Variants in PIK3C2G observed in about 807,000 individuals in gnomAD.
PIK3C2G encodes phosphatidylinositol 3-kinase C2 domain-containing subunit gamma.
PIK3C2G carries 168 observed loss-of-function variants against 181.1 expected under a neutral mutation model. The observed-to-expected ratio is 0.93, with a 90% CI of 0.82 to 1.05. The LOEUF (loss-of-function observed/expected upper bound fraction) is 1.05, where lower values mean the gene tolerates loss of function less well. Among genes scored for constraint, PIK3C2G ranks in the 50% least tolerant of loss-of-function variants. PIK3C2G has a pLI of 0.00. For synonymous variants in PIK3C2G, 573 were observed against 592.2 expected, an observed-to-expected ratio of 0.97 and a Z score of 0.47; for missense variants, 1,869 against 1,732.8, an observed-to-expected ratio of 1.08 and a Z score of -1.40.
At chr12:18,685,277 C>T in the PIK3C2G span, among the ~76,000 whole-genome samples, 1 of 151,946 alleles carries the variant, frequency 6.6e-6, no homozygotes, top group Admixed American at 6.6e-5. Context: ...CCAATTTCTG[C>T]CAAGCAAGAA....
At chr12:18,257,400 C>G (rs1334700758), upstream of PIK3C2G, among the ~76,000 whole-genome samples, 2 of 152,120 alleles carry the variant, frequency 1.3e-5, no homozygotes, top group Non-Finnish European at 2.9e-5. Flanking sequence ...GTTGTGGGCT[C>G]TAGGCTGGAA....
At chr12:18,614,348 A>G (rs538047730) in intron 31 of PIK3C2G, among the ~76,000 whole-genome samples, 6 of 152,082 alleles carry the variant, frequency 3.9e-5, no homozygotes, top group South Asian at 2.1e-4. Flanking sequence ...AAGATGACCT[A>G]TTATTTTTTA....
the PIK3C2G span, chr12:18,688,345 G>T: frequency 1.1e-6 from 1 of 932,426 alleles, no homozygotes; most frequent in Non-Finnish European, 1.6e-6. Flanking sequence ...AACATTGAAA[G>T]TGGAATACAA....
chr12:18,685,108 G>C, the PIK3C2G span, among the ~76,000 whole-genome samples: 1 of 152,052 alleles, frequency 6.6e-6, no homozygotes, highest in African/African-American at 2.4e-5. Flanking sequence ...GACTAATACA[G>C]TCAGTCTTAT....
At chr12:18,487,096 T>TTTTGTGTGTGTGTGTG (rs71440368) in intron 18 of PIK3C2G, among the ~76,000 whole-genome samples, 22 of 142,106 alleles carry the variant, frequency 1.5e-4, no homozygotes, top group African/African-American at 5.5e-4. Flanking sequence ...TTGAGGTATT[T>TTTTGTGTGTGTGTGTG]TGTGTGTGTG....
chr12:18,394,125 T>C (rs549207949), intron 15 of PIK3C2G, among the ~76,000 whole-genome samples: 186 of 152,188 alleles, frequency 1.2e-3, no homozygotes, highest in African/African-American at 4.3e-3. Context: ...CCAATAAGAA[T>C]GGAGAAAGCT....
At position 18,323,179 on chromosome 12, in the gene PIK3C2G, T is replaced by C. The variant is rs559833845; in HGVS notation, c.1209-1856T>C. On this transcript the variant is annotated intron_variant, in intron 7 of 32. Transcript: ENST00000538779. Reference sequence around the variant, plus strand: ...CCTAGCAGATATTTGATGGCCAGTGTGCAGTTGCAGGGGTCCAGAGGGTTA... The same window carrying C: ...CCTAGCAGATATTTGATGGCCAGTGCGCAGTTGCAGGGGTCCAGAGGGTTA... 1.5e-3 allele frequency among the ~76,000 whole-genome samples: 234 copies of C among 152,280 alleles called. 1 individual carries two copies. The highest frequency in any genetic ancestry group is 2.4e-3 in the Non-Finnish European group (163 of 68,018).
intron 19 of PIK3C2G, 73 bp from the exon 20 acceptor site, chr12:18,491,378 G>C: frequency 3.7e-6 from 3 of 805,476 alleles, no homozygotes; most frequent in Non-Finnish European, 6.1e-6. Context: ...ATCAATAGAA[G>C]AAAATTATAA....
At chr12:18,705,509 T>G in the PIK3C2G span, among the ~76,000 whole-genome samples, 2 of 152,190 alleles carry the variant, frequency 1.3e-5, no homozygotes, top group African/African-American at 2.4e-5. Flanking sequence ...AAAAGAAATG[T>G]ATTACTATTT....
chr12:18,338,544 G>A lies in PIK3C2G; in HGVS notation c.1391G>A (p.Gly464Glu). The change falls in exon 9 of 33, where the codon GGA becomes GAA. Residue 464 changes from glycine to glutamate, a missense_variant. Transcript: ENST00000538779. ...CTAAGTCTAATTCTTCAGAGAAAAG[G>A]AGAGGTAAGTACATTCATTTATTAC... ...NELSLILQRK[G>E]ENFYQSSETS... The A allele has an allele frequency of 6.3e-7, 1 of 1,588,040 alleles. No homozygotes were observed. Among genetic ancestry groups the A allele is most frequent in the South Asian group, 1.1e-5 (1 of 89,550 alleles).
At chr12:18,264,953 T>A (rs1948418480) in intron 1 of PIK3C2G, among the ~76,000 whole-genome samples, 1 of 152,214 alleles carries the variant, frequency 6.6e-6, no homozygotes, top group Non-Finnish European at 1.5e-5. Flanking sequence ...ATTTGCTCAC[T>A]CAGCAAGCCT....
At chr12:18,475,257 T>C (rs1938861205) in intron 18 of PIK3C2G, among the ~76,000 whole-genome samples, 1 of 151,746 alleles carries the variant, frequency 6.6e-6, no homozygotes, top group South Asian at 2.1e-4. Flanking sequence ...TGCACCAACA[T>C]TGTTAGTAGC....
At chr12:18,297,343 C>T (rs530661536) in intron 5 of PIK3C2G, among the ~76,000 whole-genome samples, 4 of 151,868 alleles carry the variant, frequency 2.6e-5, no homozygotes, top group Admixed American at 6.6e-5. Context: ...TCAATCCTAA[C>T]CAAAAAACCA....
intron 5 of PIK3C2G, among the ~76,000 whole-genome samples, chr12:18,298,991 C>A (rs1042882962): frequency 6.6e-6 from 1 of 151,914 alleles, no homozygotes; most frequent in African/African-American, 2.4e-5. Flanking sequence ...GTGATGCCTG[C>A]AGCTCTGTTC....
At chr12:18,326,670 A>G (rs143827267) in intron 8 of PIK3C2G, among the ~76,000 whole-genome samples, 20 of 152,256 alleles carry the variant, frequency 1.3e-4, no homozygotes, top group African/African-American at 4.8e-4. Context: ...AAAAGAATCC[A>G]CAATTAGCTT....
intron 30 of PIK3C2G, among the ~76,000 whole-genome samples, chr12:18,608,120 TG>T (rs1456600564): frequency 6.6e-6 from 1 of 152,142 alleles, no homozygotes; most frequent in Non-Finnish European, 1.5e-5. Context: ...GGCTATAAAC[TG>T]GTTCAACCAT....
At chr12:18,551,883 CAG>C (rs1944750231) in intron 26 of PIK3C2G, among the ~76,000 whole-genome samples, 1 of 152,104 alleles carries the variant, frequency 6.6e-6, no homozygotes, top group Non-Finnish European at 1.5e-5. Flanking sequence ...GTGTAAATTC[CAG>C]AGAGAGGCAA....
At chr12:18,289,670 G>T (rs373556206) in intron 3 of PIK3C2G, among the ~76,000 whole-genome samples, 1 of 152,150 alleles carries the variant, frequency 6.6e-6, no homozygotes, top group African/African-American at 2.4e-5. Context: ...GAAACTAAGG[G>T]GATGGGATCC....
chr12:18,689,723 G>A, the PIK3C2G span, among the ~76,000 whole-genome samples: 1 of 152,156 alleles, frequency 6.6e-6, no homozygotes, highest in South Asian at 2.1e-4. Context: ...CAGTCCTGTA[G>A]CTTTTATAAA....
Sources: gnomAD v4.1 joint callset for allele counts (sites outside exome capture counted in the v4.1 genomes callset) on GRCh38, gnomAD v4.1.1 for gene constraint, MANE v1.5 for transcripts, NCBI Gene and HGNC (gene_info 2026-07-23, HGNC 2026-07-21) for gene names.